Variants in MMP24 observed in about 807,000 individuals in gnomAD.
The protein encoded by MMP24 is matrix metallopeptidase 24.
A neutral mutation model predicts 62.8 loss-of-function variants in MMP24; 25 were observed. The observed-to-expected ratio is 0.40, with a 90% CI of 0.29 to 0.56. The LOEUF (loss-of-function observed/expected upper bound fraction) is 0.56, where lower values mean the gene tolerates loss of function less well. Ranked by LOEUF, MMP24 falls within the 20% of genes least tolerant of loss-of-function variation. The pLI is 0.50. For synonymous variants in MMP24, 319 were observed against 350.5 expected, an observed-to-expected ratio of 0.91 and a Z score of 1.00; for missense variants, 634 against 853.6, an observed-to-expected ratio of 0.74 and a Z score of 3.21.
intron 3 of MMP24, among the ~76,000 whole-genome samples, chr20:35,252,758 G>C (rs1217643444): frequency 1.3e-5 from 2 of 152,078 alleles, no homozygotes; most frequent in African/African-American, 4.8e-5. Flanking sequence ...TGAGGCTGGG[G>C]CAAGGGCCAG....
intron 1 of MMP24, among the ~76,000 whole-genome samples, chr20:35,238,024 G>A (rs983858474): frequency 3.9e-5 from 6 of 152,188 alleles, no homozygotes; most frequent in Admixed American, 2.0e-4. Context: ...ATTCATGCCT[G>A]CATACAGTGA....
At chr20:35,259,650 A>G (rs1354427193) in intron 4 of MMP24, among the ~76,000 whole-genome samples, 1 of 152,202 alleles carries the variant, frequency 6.6e-6, no homozygotes, top group East Asian at 1.9e-4. Context: ...GGGAAATGCT[A>G]TCACCTTTCG....
intron 5 of MMP24, among the ~76,000 whole-genome samples, chr20:35,264,925 C>T (rs1319874091): frequency 6.6e-6 from 1 of 152,044 alleles, no homozygotes; most frequent in East Asian, 1.9e-4. Context: ...ACCCACAGCC[C>T]ACAGGCTACG....
At chr20:35,235,510 A>G (rs1040765252) in intron 1 of MMP24, among the ~76,000 whole-genome samples, 11 of 152,206 alleles carry the variant, frequency 7.2e-5, no homozygotes, top group African/African-American at 2.7e-4. Context: ...AGCCTGGCCA[A>G]TAGGGTGAAA....
chr20:35,270,225 G>C (rs2060661519), intron 7 of MMP24, among the ~76,000 whole-genome samples: 2 of 152,206 alleles, frequency 1.3e-5, no homozygotes, highest in Admixed American at 1.3e-4. Flanking sequence ...GGAGGTCGGG[G>C]GAGGGTGTGG....
intron 1 of MMP24, among the ~76,000 whole-genome samples, chr20:35,246,485 A>T (rs2060515598): frequency 6.6e-6 from 1 of 152,184 alleles, no homozygotes. Context: ...CAAAAAATAA[A>T]AAAGAATTAA....
chr20:35,267,777 C>T, intron 6 of MMP24: 1 of 307,710 alleles, frequency 3.2e-6, no homozygotes, highest in Non-Finnish European at 6.2e-6. Context: ...CCAGTGAGTA[C>T]CCGGCTCTGA....
chr20:35,263,989 G>C, intron 5 of MMP24, 37 bp downstream of exon 5: 3 of 1,552,736 alleles, frequency 1.9e-6, no homozygotes, highest in Non-Finnish European at 2.6e-6. Context: ...CTCCTTCCTC[G>C]GGGCTGGGCT....
rs996852832 is a variant in MMP24 at position 35,276,441 on chromosome 20, A to T, written c.*1832A>T. 7.5e-6 allele frequency: 3 copies of T among 397,426 alleles called. No homozygotes were observed. The highest frequency in any genetic ancestry group is 8.8e-5 in the Admixed American group (2 of 22,682). 24.6% of individuals were successfully genotyped at this position (397,426 alleles called of 1,614,324 possible). A position where few individuals can be genotyped will look rare whatever the true frequency, so the allele number is the denominator to read the frequency against. On this transcript the variant is annotated 3_prime_UTR_variant, in exon 9 of 9. Coordinates refer to ENST00000246186, the MANE Select transcript of MMP24 (RefSeq NM_006690.4). The stretch of plus-strand genomic sequence containing the variant: ...CCCTGGGAGGCCGACGGTAACTCTC[A>T]CCGTGCCCTCAGATGAAGCACAGAG...
intron 6 of MMP24, among the ~76,000 whole-genome samples, chr20:35,267,731 G>A (rs1327852129): frequency 6.6e-6 from 1 of 152,194 alleles, no homozygotes; most frequent in Non-Finnish European, 1.5e-5. Flanking sequence ...CCGAAACCTG[G>A]GGGAGTCATT....
At chr20:35,262,094 G>A (rs147962064) in intron 4 of MMP24, among the ~76,000 whole-genome samples, 2,579 of 152,214 alleles carry the variant, frequency 0.017, 35 homozygotes, top group Non-Finnish European at 0.026. Context: ...GAGCCACCAC[G>A]CCCAGCCAGC....
At chr20:35,259,000 G>A (rs986567458) in intron 4 of MMP24, among the ~76,000 whole-genome samples, 1 of 152,042 alleles carries the variant, frequency 6.6e-6, no homozygotes, top group African/African-American at 2.4e-5. Flanking sequence ...GGCCAACATG[G>A]CAAAACCCCG....
chr20:35,243,714 A>G (rs1324870792), intron 1 of MMP24, among the ~76,000 whole-genome samples: 1 of 152,220 alleles, frequency 6.6e-6, no homozygotes, highest in Non-Finnish European at 1.5e-5. Flanking sequence ...CAGAAGAGGA[A>G]GAAAATAACT....
At chr20:35,240,049 G>T (rs1344143167) in intron 1 of MMP24, among the ~76,000 whole-genome samples, 1 of 152,150 alleles carries the variant, frequency 6.6e-6, no homozygotes, top group Non-Finnish European at 1.5e-5. Context: ...CTGACCGTAC[G>T]GAATATGCCT....
chr20:35,253,633 A>G (rs1159053670), intron 3 of MMP24, among the ~76,000 whole-genome samples: 1 of 152,126 alleles, frequency 6.6e-6, no homozygotes, highest in African/African-American at 2.4e-5. Context: ...TGAAGAACCA[A>G]TGCAATATGA....
intron 1 of MMP24, among the ~76,000 whole-genome samples, chr20:35,235,064 T>C (rs994442819): frequency 3.9e-5 from 6 of 152,220 alleles, no homozygotes; most frequent in Non-Finnish European, 8.8e-5. Context: ...CTTTTTAACA[T>C]GACTTACAGG....
chr20:35,254,827 G>T, intron 4 of MMP24, 73 bp downstream of exon 4: 1 of 1,488,250 alleles, frequency 6.7e-7, no homozygotes, highest in African/African-American at 1.4e-5. Flanking sequence ...GGACATCCTA[G>T]ATGAGTTTCC....
At chr20:35,262,132 T>G (rs2060606961) in intron 4 of MMP24, among the ~76,000 whole-genome samples, 1 of 151,900 alleles carries the variant, frequency 6.6e-6, no homozygotes, top group African/African-American at 2.4e-5. Context: ...CTTGTAGGGG[T>G]GGGTTGCCCC....
chr20:35,269,776 G>A lies in MMP24; in HGVS notation c.1211G>A (p.Arg404His), dbSNP rs139576876. ...MFVFKDRWFW[R>H]LRNNRVQEGY... ...TCCTCCCAGGATCGCTGGTTCTGGC[G>A]TCTGCGCAATAACCGAGTGCAGGAG... is the stretch of plus-strand genomic sequence containing the variant. The change falls in exon 7 of 9, where the codon CGT becomes CAT. Residue 404 changes from arginine (R) to histidine (H), a missense_variant. By Grantham distance (29) the Arg-to-His change is conservative. Transcript: ENST00000246186. This position sits in a 1 kb window ranked among gnomAD's most constrained non-coding sequence, Gnocchi z 4.6. 1.1e-5 allele frequency: 18 copies of A among 1,572,274 alleles called. No individual in the cohort carries two copies. Among genetic ancestry groups the A allele is most frequent in the Admixed American group, 3.7e-5 (2 of 53,736 alleles).
Sources: gnomAD v4.1 joint callset for allele counts (sites outside exome capture counted in the v4.1 genomes callset) on GRCh38, gnomAD v4.1.1 for gene constraint, Gnocchi (gnomAD v3.1) non-coding constraint, MANE v1.5 for transcripts, NCBI Gene and HGNC (gene_info 2026-07-23, HGNC 2026-07-21) for gene names.